Variants in GABRG3 observed in about 807,000 individuals in gnomAD.
GABRG3 encodes the protein gamma-aminobutyric acid type A receptor subunit gamma3, also known as gamma-aminobutyric acid receptor subunit gamma-3.
In GABRG3, 25 loss-of-function variants were observed where a neutral mutation model predicts 48.8. The ratio of observed to expected loss-of-function variants is 0.51; its 90% CI spans 0.37 to 0.72. The LOEUF (loss-of-function observed/expected upper bound fraction) is 0.72. GABRG3 is among the 30% of genes least tolerant of loss of function. The pLI, the probability that GABRG3 is intolerant of heterozygous loss-of-function variation, is 0.00. For synonymous variants in GABRG3, 227 were observed against 217.6 expected (o/e 1.04, Z -0.38); for missense variants, 394 against 577.9 (o/e 0.68, Z 3.26).
chr15:27,307,251 CATGTTCATATTAT>C lies in GABRG3; in HGVS notation c.271-19552_271-19540del, dbSNP rs530209476. Among the ~76,000 whole-genome samples, 114 of 132,696 alleles carry C rather than the reference CATGTTCATATTAT, an allele frequency of 8.6e-4. 1 individual carries two copies. Among genetic ancestry groups the C allele is most frequent in the African/African-American group, 3.0e-3 (110 of 36,642 alleles). 87.1% of individuals were successfully genotyped at this position (132,696 alleles called of 152,430 possible). On this transcript the variant is annotated intron_variant, in intron 3 of 9. Transcript: ENST00000615808. ...TTTATATTATATGTTTATATATAACCATGTTCATATTATATGTTTATATATAACCATAGGTTTA... is the reference window on the plus strand; with the variant it reads ...TTTATATTATATGTTTATATATAACCATGTTTATATATAACCATAGGTTTA...
intron 3 of GABRG3, among the ~76,000 whole-genome samples, chr15:27,235,140 G>T (rs964010616): frequency 2.0e-5 from 3 of 151,942 alleles, no homozygotes; most frequent in African/African-American, 7.3e-5. Context: ...CCTAGATTTT[G>T]TTTTGTCTTA....
At chr15:27,232,701 G>A (rs894628520) in intron 3 of GABRG3, among the ~76,000 whole-genome samples, 4 of 152,174 alleles carry the variant, frequency 2.6e-5, no homozygotes, top group Non-Finnish European at 4.4e-5. Flanking sequence ...AGGTGAGGCC[G>A]TTATTCTCCT....
chr15:27,096,299 G>C (rs1034519890), intron 3 of GABRG3, among the ~76,000 whole-genome samples: 4 of 152,186 alleles, frequency 2.6e-5, no homozygotes, highest in Non-Finnish European at 4.4e-5. Context: ...CTGCCCTTCA[G>C]GAGCATCTAG....
At chr15:26,997,923 G>A (rs1219233539) in intron 2 of GABRG3, among the ~76,000 whole-genome samples, 1 of 152,208 alleles carries the variant, frequency 6.6e-6, no homozygotes, top group African/African-American at 2.4e-5. Context: ...CTTAGGAATT[G>A]CCTCTGGGTC....
intron 2 of GABRG3, among the ~76,000 whole-genome samples, chr15:26,983,453 T>C (rs927414612): frequency 6.6e-6 from 1 of 152,158 alleles, no homozygotes; most frequent in Non-Finnish European, 1.5e-5. Flanking sequence ...TAAATTAACC[T>C]GTTTAATTTG....
intron 3 of GABRG3, among the ~76,000 whole-genome samples, chr15:27,220,162 C>T (rs140015795): frequency 4.6e-5 from 7 of 152,294 alleles, no homozygotes; most frequent in South Asian, 2.1e-4. Context: ...TTCAGGAAAG[C>T]AGAAGTTACA....
At chr15:27,284,590 A>G (rs763041311) in intron 3 of GABRG3, among the ~76,000 whole-genome samples, 10 of 152,206 alleles carry the variant, frequency 6.6e-5, no homozygotes, top group Non-Finnish European at 1.3e-4. Flanking sequence ...GAGCCTGGAA[A>G]CTAGCAAGAG....
chr15:27,521,466 A>C (rs1891158268), intron 7 of GABRG3, among the ~76,000 whole-genome samples: 1 of 152,126 alleles, frequency 6.6e-6, no homozygotes. Flanking sequence ...CATTGTAAGG[A>C]GTTATAATAA....
At chr15:27,491,811 G>A (rs1315930879) in intron 6 of GABRG3, among the ~76,000 whole-genome samples, 1 of 152,138 alleles carries the variant, frequency 6.6e-6, no homozygotes, top group Non-Finnish European at 1.5e-5. Context: ...GAATTACGAG[G>A]ACATTGAAAG....
chr15:27,217,963 C>G (rs940913044), intron 3 of GABRG3, among the ~76,000 whole-genome samples: 1 of 152,120 alleles, frequency 6.6e-6, no homozygotes, highest in Non-Finnish European at 1.5e-5. Context: ...GGAGGAGAAC[C>G]AGGGCCAGTC....
At chr15:27,262,634 G>A (rs751224755) in intron 3 of GABRG3, among the ~76,000 whole-genome samples, 7 of 151,388 alleles carry the variant, frequency 4.6e-5, no homozygotes, top group Non-Finnish European at 7.4e-5. Context: ...TTCGACTATT[G>A]GAGAACTTTG....
At chr15:27,295,931 T>C (rs1487140664) in intron 3 of GABRG3, among the ~76,000 whole-genome samples, 1 of 152,076 alleles carries the variant, frequency 6.6e-6, no homozygotes, top group Non-Finnish European at 1.5e-5. Context: ...GAGCTGGCAA[T>C]GGGGGAAATG....
At chr15:27,490,913 A>G (rs1341372712) in intron 6 of GABRG3, among the ~76,000 whole-genome samples, 1 of 98,154 alleles carries the variant, frequency 1.0e-5, no homozygotes, top group Non-Finnish European at 1.9e-5. Flanking sequence ...CCCCCTTCAC[A>G]CTGCTCTTGC....
At chr15:27,504,408 C>T (rs1354953427) in intron 6 of GABRG3, among the ~76,000 whole-genome samples, 1 of 152,026 alleles carries the variant, frequency 6.6e-6, no homozygotes, top group Non-Finnish European at 1.5e-5. Context: ...TATTTTAGAG[C>T]TTATTGTATA....
rs1182234660 is a variant in GABRG3 at position 27,527,622 on chromosome 15, C to T, written c.1055C>T (p.Thr352Ile). The change falls in exon 8 of 10, where the codon ACA becomes ATA. Residue 352 changes from threonine to isoleucine, a missense_variant. Physicochemically the swap from Thr to Ile is moderately conservative, Grantham distance 89. Transcript: ENST00000615808. Reference protein sequence around the residue: ...SCRKPTTTKKTTSLLHPDSSR... With the variant: ...SCRKPTTTKKITSLLHPDSSR... ...AGAAAACCAACCACCACGAAGAAGA[C>T]AACATCGGTGAGCTGCAGTAGCAAA... The T allele has an allele frequency of 6.2e-7, 1 of 1,605,044 alleles. No individual in the cohort carries two copies. Among genetic ancestry groups the T allele is most frequent in the Non-Finnish European group, 8.5e-7 (1 of 1,176,312 alleles).
chr15:27,080,270 C>T lies in GABRG3; in HGVS notation c.270+53449C>T, dbSNP rs572373415. Among the ~76,000 whole-genome samples the T allele has an allele frequency of 8.5e-4, 128 of 151,138 alleles. 1 individual carries two copies. The highest frequency in any genetic ancestry group is 1.4e-3 in the Non-Finnish European group (96 of 67,854). ...TTCAAGGCCAGCCTGAACAACATAG[C>T]GAGAACCTCTCTCTAATAAGTAAAT... On this transcript the variant is annotated intron_variant, in intron 3 of 9. Coordinates refer to ENST00000615808, the MANE Select transcript of GABRG3 (RefSeq NM_033223.5).
At chr15:27,142,301 A>T (rs115482980) in intron 3 of GABRG3, among the ~76,000 whole-genome samples, 146 of 152,270 alleles carry the variant, frequency 9.6e-4, no homozygotes, top group African/African-American at 3.3e-3. Context: ...TTACAAACTG[A>T]AGAGGTTTAA....
intron 6 of GABRG3, among the ~76,000 whole-genome samples, chr15:27,485,577 G>A (rs547593506): frequency 1.2e-4 from 19 of 152,222 alleles, no homozygotes; most frequent in Admixed American, 9.2e-4. Context: ...AGTCACCCCA[G>A]CCCCTGATGG....
intron 5 of GABRG3, among the ~76,000 whole-genome samples, chr15:27,419,741 A>G (rs910058961): frequency 5.9e-5 from 9 of 152,172 alleles, no homozygotes; most frequent in African/African-American, 2.2e-4. Flanking sequence ...GTAGTCAGCA[A>G]GATTCCAGTC....
Sources: allele counts gnomAD v4.1 joint callset (sites outside exome capture counted in the v4.1 genomes callset), GRCh38; gene constraint gnomAD v4.1.1; transcripts MANE v1.5; gene names NCBI Gene and HGNC (gene_info 2026-07-23, HGNC 2026-07-21).